IFI27L1: variants seen among roughly 807,000 people sequenced by gnomAD.
IFI27L1 encodes the protein interferon alpha-inducible protein 27-like protein 1.
A neutral mutation model predicts 9.2 loss-of-function variants in IFI27L1; 3 were observed. The ratio of observed to expected loss-of-function variants is 0.32; its 90% CI spans 0.15 to 0.84. The LOEUF (loss-of-function observed/expected upper bound fraction) is 0.84, where lower values mean the gene tolerates loss of function less well. Ranked by LOEUF, IFI27L1 falls within the 40% of genes least tolerant of loss-of-function variation. The pLI, the probability that IFI27L1 is intolerant of heterozygous loss-of-function variation, is 0.56. For missense variants in IFI27L1, 133 were observed against 134.2 expected, an observed-to-expected ratio of 0.99 and a Z score of 0.05; for synonymous variants, 53 against 50.0, an observed-to-expected ratio of 1.06 and a Z score of -0.26.
At chr14:94,099,801 G>A (rs1474858214) in intron 2 of IFI27L1, among the ~76,000 whole-genome samples, 1 of 151,896 alleles carries the variant, frequency 6.6e-6, no homozygotes, top group Non-Finnish European at 1.5e-5. Flanking sequence ...CTAGGGGGCT[G>A]CTCGCTGTAG....
intron 1 of IFI27L1, among the ~76,000 whole-genome samples, chr14:94,090,234 G>A (rs533406889): frequency 2.0e-5 from 3 of 152,208 alleles, no homozygotes; most frequent in East Asian, 1.9e-4. Flanking sequence ...AGAGATCACC[G>A]ATTGGTTCAC....
intron 2 of IFI27L1, 137 bp downstream of exon 2, chr14:94,097,102 G>A: frequency 1.5e-6 from 1 of 666,782 alleles, no homozygotes; most frequent in South Asian, 2.5e-5. Flanking sequence ...AATTATTCAG[G>A]AATGAATGAC....
intron 1 of IFI27L1, chr14:94,088,128 G>T: frequency 1.6e-6 from 1 of 636,718 alleles, no homozygotes; most frequent in Non-Finnish European, 2.8e-6. Context: ...TTCTGCAAAT[G>T]ACCTGAATTG....
chr14:94,098,294 G>T (rs144047121), intron 2 of IFI27L1, among the ~76,000 whole-genome samples: 3 of 152,168 alleles, frequency 2.0e-5, no homozygotes, highest in Non-Finnish European at 4.4e-5. Flanking sequence ...CTAGTTTCTG[G>T]TGGCTGCTGT....
At chr14:94,090,401 G>A (rs888378859) in intron 1 of IFI27L1, among the ~76,000 whole-genome samples, 3 of 152,142 alleles carry the variant, frequency 2.0e-5, no homozygotes, top group African/African-American at 7.2e-5. Context: ...GACAGATTTG[G>A]TTTATTATAC....
chr14:94,083,016 C>T lies in IFI27L1; in HGVS notation c.-52+1567C>T, dbSNP rs12590607. On this transcript the variant is annotated intron_variant, in intron 1 of 4. Coordinates refer to ENST00000555523, the MANE Select transcript of IFI27L1 (RefSeq NM_206949.3). ...CTGGGCAAAGTATATTGAAAACCTT[C>T]TGGAAAGGGTTCACTATTTTAGATA... Among the ~76,000 whole-genome samples, 5,704 of 152,270 alleles carry T rather than the reference C, an allele frequency of 0.037. 768 individuals carry two copies. The East Asian group carries it at 0.46, about 12-fold the overall frequency.
intron 1 of IFI27L1, among the ~76,000 whole-genome samples, chr14:94,090,099 A>G (rs139321151): frequency 1.2e-4 from 19 of 152,342 alleles, no homozygotes; most frequent in Admixed American, 7.8e-4. Flanking sequence ...CTTTCCAGGA[A>G]CTGGGCAATT....
chr14:94,097,588 C>T, intron 2 of IFI27L1: 1 of 701,362 alleles, frequency 1.4e-6, no homozygotes, highest in Non-Finnish European at 2.6e-6. Context: ...TAGGAAGCTC[C>T]TCCAGTCATC....
intron 1 of IFI27L1, among the ~76,000 whole-genome samples, chr14:94,090,029 A>G (rs1049457437): frequency 1.3e-5 from 2 of 152,246 alleles, no homozygotes; most frequent in African/African-American, 4.8e-5. Context: ...CAACAGCAAC[A>G]TATTCCACAA....
chr14:94,096,816 G>A (rs1886688285), intron 1 of IFI27L1, 71 bp from the exon 2 acceptor site: 4 of 783,822 alleles, frequency 5.1e-6, no homozygotes, highest in South Asian at 4.6e-5. Context: ...TCCCAGGAGG[G>A]ATGCAGAGTT....
chr14:94,095,732 G>C (rs1338769895), intron 1 of IFI27L1, among the ~76,000 whole-genome samples: 1 of 152,058 alleles, frequency 6.6e-6, no homozygotes, highest in Non-Finnish European at 1.5e-5. Flanking sequence ...ATTACCATGG[G>C]GAGGGCACCA....
chr14:94,100,214 T>C, intron 2 of IFI27L1: 1 of 951,468 alleles, frequency 1.1e-6, no homozygotes, highest in Non-Finnish European at 1.3e-6. Context: ...AGCCATGAGC[T>C]AAAAGCTTCA....
At chr14:94,083,768 T>C (rs1267099044) in intron 1 of IFI27L1, among the ~76,000 whole-genome samples, 2 of 152,202 alleles carry the variant, frequency 1.3e-5, no homozygotes, top group African/African-American at 4.8e-5. Flanking sequence ...GAGTAAATTG[T>C]TTTGATTTAA....
At chr14:94,089,265 T>C (rs1264020297) in intron 1 of IFI27L1, 3 of 152,238 alleles carry the variant, frequency 2.0e-5, no homozygotes, top group Non-Finnish European at 4.4e-5. Flanking sequence ...CAGCTTGAGC[T>C]GCTTGAATGA....
At chr14:94,084,948 T>C (rs1435333350) in intron 1 of IFI27L1, among the ~76,000 whole-genome samples, 1 of 152,124 alleles carries the variant, frequency 6.6e-6, no homozygotes, top group African/African-American at 2.4e-5. Flanking sequence ...TAATTCCTGT[T>C]CCAATGCCAG....
intron 1 of IFI27L1, among the ~76,000 whole-genome samples, chr14:94,092,517 A>C (rs756370019): frequency 6.6e-5 from 10 of 152,042 alleles, no homozygotes; most frequent in Non-Finnish European, 1.2e-4. Flanking sequence ...TCTCAAAAAC[A>C]AAACAAAACA....
At position 94,101,926 on chromosome 14, in the gene IFI27L1, C is replaced by CG; in HGVS notation, c.179dup (p.Gly61ArgfsTer24). ...TGATGTCTACAGCAGCCATTGCCAA[C>CG]GGGGGCGGAGTTGCTGCTGGCAGTC... is the stretch of plus-strand genomic sequence containing the variant. On this transcript the variant is annotated frameshift_variant, in exon 4 of 5. Coordinates refer to ENST00000555523, the MANE Select transcript of IFI27L1 (RefSeq NM_206949.3). LOFTEE classifies it low-confidence loss of function (END_TRUNC). The CG allele has an allele frequency of 6.2e-7, 1 of 1,614,226 alleles. No individual in the cohort carries two copies. Among genetic ancestry groups the CG allele is most frequent in the Non-Finnish European group, 8.5e-7 (1 of 1,180,042 alleles).
At chr14:94,088,999 G>T (rs563500891) in intron 1 of IFI27L1, 5 of 152,010 alleles carry the variant, frequency 3.3e-5, no homozygotes, top group Non-Finnish European at 7.4e-5. Context: ...CTTTGTTCAT[G>T]GTGTTTTTTT....
chr14:94,089,381 A>G (rs888784835), intron 1 of IFI27L1: 2 of 152,182 alleles, frequency 1.3e-5, no homozygotes, highest in Non-Finnish European at 2.9e-5. Flanking sequence ...CCCCTTTCAG[A>G]CCATATAGGG....
Sources: allele counts gnomAD v4.1 joint callset (sites outside exome capture counted in the v4.1 genomes callset), GRCh38; gene constraint gnomAD v4.1.1; transcripts MANE v1.5; gene names NCBI Gene and HGNC (gene_info 2026-07-23, HGNC 2026-07-21).